LANCL3: variants seen among roughly 807,000 people sequenced by gnomAD.
LANCL3 encodes lanC-like protein 3.
A neutral mutation model predicts 26.5 loss-of-function variants in LANCL3; 19 were observed. That is an observed-to-expected ratio of 0.72 (90% CI 0.50 to 1.05). The LOEUF is 1.05. Ranked by LOEUF, LANCL3 falls within the 50% of genes least tolerant of loss-of-function variation. The pLI is 0.00. For missense variants in LANCL3, 318 were observed against 362.7 expected, an observed-to-expected ratio of 0.88 and a Z score of 1.00; for synonymous variants, 160 against 166.6, an observed-to-expected ratio of 0.96 and a Z score of 0.30.
Position 37,572,016 on chromosome X carries a change from C to G in LANCL3, c.146C>G (p.Ala49Gly), listed in dbSNP as rs782423835. 2.4e-5 allele frequency: 28 copies of G among 1,186,469 alleles called. No homozygotes were observed. Among genetic ancestry groups the G allele is most frequent in the Non-Finnish European group, 2.9e-5 (26 of 883,186 alleles). ...LQELPPLGGG[A>G]EARGATAGAS... ...GAGCTTCCCCCACTCGGGGGCGGCG[C>G]GGAGGCCCGAGGGGCGACGGCGGGG... The change falls in exon 1 of 5, where the codon GCG becomes GGG. Residue 49 changes from alanine (A) to glycine (G), a missense_variant. Physicochemically the swap from Ala to Gly is moderately conservative, Grantham distance 60. Coordinates refer to ENST00000378619, the MANE Select transcript of LANCL3 (RefSeq NM_001170331.2).
intron 4 of LANCL3, among the ~76,000 whole-genome samples, chrX:37,674,801 A>C (rs1926757298): frequency 9.0e-6 from 1 of 111,219 alleles, no homozygotes; most frequent in African/African-American, 3.3e-5. Flanking sequence ...GCAGTAACCT[A>C]AATTTATGAC....
intron 4 of LANCL3, chrX:37,668,320 A>T: frequency 4.5e-6 from 1 of 222,586 alleles, no homozygotes; most frequent in Non-Finnish European, 8.2e-6. Flanking sequence ...TATATACATA[A>T]ATATATATAT....
At chrX:37,605,725 C>T (rs941228746) in intron 1 of LANCL3, among the ~76,000 whole-genome samples, 1 of 111,479 alleles carries the variant, frequency 9.0e-6, no homozygotes, top group Non-Finnish European at 1.9e-5. Flanking sequence ...CTGACATGCT[C>T]ACCTCCTTCA....
intron 1 of LANCL3, among the ~76,000 whole-genome samples, chrX:37,619,576 C>G (rs910649565): frequency 6.2e-5 from 6 of 97,139 alleles, no homozygotes; most frequent in Admixed American, 3.2e-4. Flanking sequence ...GTTAAAGAAC[C>G]AAGTTATTTT....
At chrX:37,647,190 T>C (rs1489606620) in intron 1 of LANCL3, among the ~76,000 whole-genome samples, 1 of 110,467 alleles carries the variant, frequency 9.1e-6, no homozygotes, top group African/African-American at 3.3e-5. Context: ...GGCAGGCGCC[T>C]GTAGTCCCAT....
chrX:37,655,698 C>T lies in LANCL3; in HGVS notation c.584C>T (p.Pro195Leu). 8.3e-7 allele frequency: 1 copy of T among 1,205,436 alleles called. No individual in the cohort carries two copies. The highest frequency in any genetic ancestry group is 1.8e-5 in the South Asian group (1 of 56,101). The change falls in exon 2 of 5, where the codon CCA (proline) becomes CTA (leucine). Residue 195 changes from proline to leucine, a missense_variant. By Grantham distance (98) the Pro-to-Leu change is moderately conservative (BLOSUM62 -3). Coordinates refer to ENST00000378619, the MANE Select transcript of LANCL3 (RefSeq NM_001170331.2). ...KQKLAQEVLT[P>L]AQIKSICQAI... ...GATTTCCTTATTCAGGTGCTGACTC[C>T]AGCACAGATCAAGTCAATTTGTCAG... is the stretch of plus-strand genomic sequence containing the variant.
At chrX:37,626,469 A>G (rs1925318600) in intron 1 of LANCL3, among the ~76,000 whole-genome samples, 1 of 112,234 alleles carries the variant, frequency 8.9e-6, no homozygotes, top group African/African-American at 3.2e-5. Context: ...CTAAGCAAGT[A>G]TTGAGCACCT....
At chrX:37,612,535 C>T (rs1250548342) in intron 1 of LANCL3, among the ~76,000 whole-genome samples, 2 of 112,313 alleles carry the variant, frequency 1.8e-5, no homozygotes, top group Non-Finnish European at 3.8e-5. Context: ...AACACTCAAT[C>T]TCAAAAGTTA....
intron 4 of LANCL3, among the ~76,000 whole-genome samples, chrX:37,669,067 T>G (rs782362154): frequency 8.9e-6 from 1 of 112,493 alleles, no homozygotes; most frequent in Non-Finnish European, 1.9e-5. Flanking sequence ...ATTTGAGTTT[T>G]ATAATTCCAG....
intron 1 of LANCL3, among the ~76,000 whole-genome samples, chrX:37,650,049 C>A (rs1926096952): frequency 9.1e-6 from 1 of 110,363 alleles, no homozygotes; most frequent in Non-Finnish European, 1.9e-5. Context: ...CGCCTGTAAT[C>A]CCACCACTTT....
At chrX:37,628,172 C>A (rs1248682032) in intron 1 of LANCL3, among the ~76,000 whole-genome samples, 1 of 111,369 alleles carries the variant, frequency 9.0e-6, no homozygotes, top group Non-Finnish European at 1.9e-5. Context: ...AAAGAGGGGG[C>A]ACCAGTATGG....
chrX:37,572,088 C>A lies in LANCL3; in HGVS notation c.218C>A (p.Ala73Glu). 8.5e-7 allele frequency: 1 copy of A among 1,182,893 alleles called. No homozygotes were observed. The highest frequency in any genetic ancestry group is 1.1e-6 in the Non-Finnish European group (1 of 884,074). Residue 73 changes from alanine (A) to glutamate (E), a missense_variant, in exon 1 of 5, where the codon GCG (alanine) becomes GAG (glutamate). Coordinates refer to ENST00000378619, the MANE Select transcript of LANCL3 (RefSeq NM_001170331.2). The part of the protein sequence containing the change: ...GGLYGGVAGV[A>E]YMLYHVSQSP... ...CTTTATGGCGGCGTGGCCGGAGTGG[C>A]GTATATGCTCTACCACGTCTCGCAG... is the stretch of plus-strand genomic sequence containing the variant.
chrX:37,645,852 G>A (rs911721079), intron 1 of LANCL3, among the ~76,000 whole-genome samples: 1 of 111,783 alleles, frequency 8.9e-6, no homozygotes, highest in Non-Finnish European at 1.9e-5. Flanking sequence ...TAGACCTACC[G>A]AATTAGAATC....
intron 1 of LANCL3, among the ~76,000 whole-genome samples, chrX:37,587,052 G>A (rs1362356826): frequency 8.9e-6 from 1 of 112,753 alleles, no homozygotes; most frequent in Non-Finnish European, 1.9e-5. Flanking sequence ...GGAGTTTGCT[G>A]GAGGTCCACT....
chrX:37,581,309 G>A (rs1186122533), intron 1 of LANCL3, among the ~76,000 whole-genome samples: 3 of 112,174 alleles, frequency 2.7e-5, no homozygotes, highest in African/African-American at 9.7e-5. Flanking sequence ...ATCACTTCCT[G>A]CTGCATCTCC....
chrX:37,575,202 C>T (rs1923715258), intron 1 of LANCL3, among the ~76,000 whole-genome samples: 2 of 110,853 alleles, frequency 1.8e-5, no homozygotes, highest in Middle Eastern at 9.3e-3. Flanking sequence ...CCTGGGATGA[C>T]AGTCATGAGC....
chrX:37,676,613 AT>A lies in LANCL3; in HGVS notation c.*804del, dbSNP rs1276916435. The A allele has an allele frequency of 8.1e-5, 9 of 111,619 alleles. No homozygotes were observed. Among genetic ancestry groups the A allele is most frequent in the African/African-American group, 2.9e-4 (9 of 30,721 alleles). 9.2% of individuals were successfully genotyped at this position (111,619 alleles called of 1,213,427 possible). On this transcript the variant is annotated 3_prime_UTR_variant, in exon 5 of 5. Transcript: ENST00000378619. ...AACTGTGTATTGTCTATTGTTAGTA[AT>A]TTTAAAAATGCCTTTATGTACATAA...
Position 37,677,707 on chromosome X carries a change from G to A in LANCL3, c.*1894G>A, listed in dbSNP as rs1258137686. ...ATATACAGAGCTTTATGGAACACAT[G>A]CAGTTTTTATCGTCCAAGAACCCCT... is the stretch of plus-strand genomic sequence containing the variant. On this transcript the variant is annotated 3_prime_UTR_variant, in exon 5 of 5. Coordinates refer to ENST00000378619, the MANE Select transcript of LANCL3 (RefSeq NM_001170331.2). The A allele has an allele frequency of 9.0e-6, 1 of 111,670 alleles. No homozygotes were observed. Among genetic ancestry groups the A allele is most frequent in the Non-Finnish European group, 1.9e-5 (1 of 53,023 alleles). 9.2% of individuals were successfully genotyped at this position (111,670 alleles called of 1,213,427 possible). A position where few individuals can be genotyped will look rare whatever the true frequency, so the allele number is the denominator to read the frequency against.
At chrX:37,669,009 C>T (rs1356422222) in intron 4 of LANCL3, among the ~76,000 whole-genome samples, 1 of 111,587 alleles carries the variant, frequency 9.0e-6, no homozygotes, top group Non-Finnish European at 1.9e-5. Flanking sequence ...AGAAATAATG[C>T]TTGGCATATA....
Sources: gnomAD v4.1 joint callset for allele counts (sites outside exome capture counted in the v4.1 genomes callset) on GRCh38, gnomAD v4.1.1 for gene constraint, MANE v1.5 for transcripts, NCBI Gene and HGNC (gene_info 2026-07-23, HGNC 2026-07-21) for gene names.